Variants in ANO1 observed in about 807,000 individuals in gnomAD.
The protein encoded by ANO1 is anoctamin-1.
ANO1 carries 59 observed loss-of-function variants against 124.0 expected under a neutral mutation model. The observed-to-expected ratio is 0.48, with a 90% CI of 0.39 to 0.59. ANO1 has a LOEUF of 0.59. Ranked by LOEUF, ANO1 falls within the 20% of genes least tolerant of loss-of-function variation. The probability of loss-of-function intolerance (pLI) is 0.00; values close to 1 mark genes in which losing one functional copy is unlikely to be tolerated. For synonymous variants in ANO1, 529 were observed against 532.0 expected (o/e 0.99, Z 0.08); for missense variants, 1,059 against 1,328.0 (o/e 0.80, Z 3.15).
At chr11:70,145,219 C>G (rs1226540367) in intron 11 of ANO1, among the ~76,000 whole-genome samples, 1 of 152,158 alleles carries the variant, frequency 6.6e-6, no homozygotes, top group East Asian at 1.9e-4. Context: ...GGCCACCAGG[C>G]GCAGCACGAG....
At chr11:70,179,646 GA>G (rs1362428077) in intron 22 of ANO1, among the ~76,000 whole-genome samples, 1 of 152,180 alleles carries the variant, frequency 6.6e-6, no homozygotes, top group Admixed American at 6.5e-5. Context: ...AGAGCTTTAG[GA>G]GCTGCACCCC....
intron 5 of ANO1, 129 bp downstream of exon 5, chr11:70,105,917 G>C: frequency 9.6e-7 from 1 of 1,046,176 alleles, no homozygotes; most frequent in Non-Finnish European, 1.4e-6. Context: ...GAAATAATTA[G>C]AATAATGAAA....
At chr11:70,027,129 C>G (rs76315615) in intron 1 of ANO1, among the ~76,000 whole-genome samples, 5,016 of 152,270 alleles carry the variant, frequency 0.033, 142 homozygotes, top group Non-Finnish European at 0.056. Context: ...TCACGGTACT[C>G]ATCACTCCCA....
chr11:70,069,835 C>T (rs1857825976), intron 1 of ANO1, among the ~76,000 whole-genome samples: 1 of 152,114 alleles, frequency 6.6e-6, no homozygotes, highest in African/African-American at 2.4e-5. Flanking sequence ...TCTGGATGGA[C>T]ACTAGAACCA....
chr11:70,175,561 G>A (rs575600429), intron 22 of ANO1, among the ~76,000 whole-genome samples: 1 of 152,318 alleles, frequency 6.6e-6, no homozygotes, highest in African/African-American at 2.4e-5. Flanking sequence ...AGCCGTGCGT[G>A]GGAATCTGCT....
chr11:69,976,575 GAC>G, the ANO1 span, among the ~76,000 whole-genome samples: 1 of 132,176 alleles, frequency 7.6e-6, no homozygotes, highest in Non-Finnish European at 1.6e-5. Context: ...GAGAGATTAG[GAC>G]ACACACACAG....
the ANO1 span, among the ~76,000 whole-genome samples, chr11:69,980,632 A>G: frequency 1.1e-3 from 164 of 152,190 alleles, no homozygotes; most frequent in African/African-American, 3.8e-3. Flanking sequence ...AAAAAAACAA[A>G]AAACTGTAGA....
At chr11:69,986,532 C>T (rs1554996898) in intron 1 of ANO1, among the ~76,000 whole-genome samples, 1 of 152,124 alleles carries the variant, frequency 6.6e-6, no homozygotes, top group East Asian at 1.9e-4. Context: ...CGTCTTGCAG[C>T]GGATACGAGG....
At position 70,087,910 on chromosome 11, in the gene ANO1, C is replaced by G; in HGVS notation, c.267C>G (p.Pro89=). 6.2e-7 allele frequency: 1 copy of G among 1,610,146 alleles called. No individual in the cohort carries two copies. The highest frequency in any genetic ancestry group is 8.5e-7 in the Non-Finnish European group (1 of 1,178,554). ...LVRRVQHSDT[P]SGARSVKQDH... ...GGAGGGTGCAGCACAGCGACACCCC[C>G]TCTGGGGCTCGCAGCGTCAAGCAGG... Residue 89 remains proline (P), a synonymous_variant, in exon 2 of 26, where the codon CCC becomes CCG. Transcript: ENST00000355303.
At chr11:70,095,299 G>GGAAGGAAGGAAA (rs1555017361) in intron 2 of ANO1, among the ~76,000 whole-genome samples, 10 of 50,974 alleles carry the variant, frequency 2.0e-4, no homozygotes, top group African/African-American at 7.1e-4. Flanking sequence ...AAGGAAGGAA[G>GGAAGGAAGGAAA]GAAAGAAAGA....
Position 70,107,280 on chromosome 11 carries a change from G to T in ANO1, c.748-1073G>T, listed in dbSNP as rs938122618. ...TAATCCGGCAGGTGGGGAGAGGCAA[G>T]CTGAGCTAGAAGACAGAGCCACCGG... On this transcript the variant is annotated intron_variant, in intron 5 of 25. Transcript: ENST00000355303. 3.3e-5 allele frequency among the ~76,000 whole-genome samples: 5 copies of T among 152,284 alleles called. No homozygotes were observed. The South Asian group carries it at 1.0e-3, about 32-fold the overall frequency.
At chr11:69,987,371 G>C (rs1856063687) in intron 1 of ANO1, among the ~76,000 whole-genome samples, 1 of 152,160 alleles carries the variant, frequency 6.6e-6, no homozygotes, top group Non-Finnish European at 1.5e-5. Context: ...TGATTCAAAT[G>C]CTTCACACAT....
intron 22 of ANO1, among the ~76,000 whole-genome samples, chr11:70,172,810 G>A (rs768601925): frequency 6.6e-6 from 1 of 151,890 alleles, no homozygotes; most frequent in Non-Finnish European, 1.5e-5. Context: ...AGGTTGCAGT[G>A]AGCCGAGATC....
chr11:70,107,171 C>A (rs1027219764), intron 5 of ANO1, among the ~76,000 whole-genome samples: 6 of 152,136 alleles, frequency 3.9e-5, no homozygotes, highest in Non-Finnish European at 8.8e-5. Flanking sequence ...TTGAGAACAG[C>A]CTAGTGGGCG....
intron 23 of ANO1, 103 bp downstream of exon 23, chr11:70,180,159 G>A (rs1222947840): frequency 9.9e-6 from 11 of 1,107,020 alleles, no homozygotes; most frequent in Admixed American, 1.7e-5. Flanking sequence ...TCTGCCTCTA[G>A]CCATGGTGCA....
At chr11:70,028,309 C>T (rs1555003425) in intron 1 of ANO1, among the ~76,000 whole-genome samples, 2 of 152,170 alleles carry the variant, frequency 1.3e-5, no homozygotes, top group African/African-American at 4.8e-5. Context: ...TTCTCTGATG[C>T]TGAGCTAAGG....
intron 1 of ANO1, among the ~76,000 whole-genome samples, chr11:70,037,969 G>C (rs1012252718): frequency 1.3e-5 from 2 of 152,136 alleles, no homozygotes; most frequent in East Asian, 1.9e-4. Context: ...GCAAAGAAAA[G>C]GTGAGTGAGC....
intron 19 of ANO1, among the ~76,000 whole-genome samples, chr11:70,164,778 G>C (rs2048188198): frequency 6.6e-6 from 1 of 152,190 alleles, no homozygotes; most frequent in East Asian, 1.9e-4. Context: ...CTCCTGTGGG[G>C]CTCAGCCTGC....
chr11:69,990,137 T>C (rs1492510), intron 1 of ANO1, among the ~76,000 whole-genome samples: 123,020 of 152,072 alleles, frequency 0.81, 50,468 homozygotes, highest in East Asian at 0.99. Flanking sequence ...AACAGTCACT[T>C]CCCATTCCCC....
Sources: allele counts gnomAD v4.1 joint callset (sites outside exome capture counted in the v4.1 genomes callset), GRCh38; gene constraint gnomAD v4.1.1; transcripts MANE v1.5; gene names NCBI Gene and HGNC (gene_info 2026-07-23, HGNC 2026-07-21).